SGCD: variants seen among roughly 807,000 people sequenced by gnomAD.
SGCD encodes delta-sarcoglycan.
A neutral mutation model predicts 36.6 loss-of-function variants in SGCD; 18 were observed. The ratio of observed to expected loss-of-function variants is 0.49; its 90% CI spans 0.34 to 0.73. The LOEUF (loss-of-function observed/expected upper bound fraction) is 0.73, where lower values mean the gene tolerates loss of function less well. SGCD is among the 30% of genes least tolerant of loss of function. The probability of loss-of-function intolerance (pLI) is 0.01; values close to 1 mark genes in which losing one functional copy is unlikely to be tolerated. For missense variants in SGCD, 387 were observed against 346.7 expected (o/e 1.12, Z -0.92); for synonymous variants, 133 against 130.6 (o/e 1.02, Z -0.12).
chr5:156,120,758 A>G (rs1485388239), intron 2 of SGCD, among the ~76,000 whole-genome samples: 1 of 152,188 alleles, frequency 6.6e-6, no homozygotes, highest in African/African-American at 2.4e-5. Context: ...AGTTAAGAAA[A>G]GAAGAAAGAA....
intron 4 of SGCD, among the ~76,000 whole-genome samples, chr5:156,522,771 G>T (rs2656894): frequency 6.7e-6 from 1 of 148,728 alleles, no homozygotes; most frequent in African/African-American, 2.5e-5. Flanking sequence ...CCCACCCCCC[G>T]ACACACACAT....
Position 156,586,976 on chromosome 5 carries a change from C to T in SGCD, c.295-2255C>T, listed in dbSNP as rs545088184. On this transcript the variant is annotated intron_variant, in intron 4 of 8. Coordinates refer to ENST00000337851, the MANE Select transcript of SGCD (RefSeq NM_000337.6). The stretch of plus-strand genomic sequence containing the variant: ...AACATCATTATGTAGCCTTTAACTT[C>T]ATTTCACAGATGCAGAAACTAAACA... 3.3e-5 allele frequency among the ~76,000 whole-genome samples: 5 copies of T among 152,192 alleles called. No homozygotes were observed. The East Asian group carries it at 9.7e-4, about 29-fold the overall frequency.
At chr5:155,799,812 C>CTTTTTTTTTTTTTT in the SGCD span, among the ~76,000 whole-genome samples, 5 of 58,762 alleles carry the variant, frequency 8.5e-5, 1 homozygote, top group African/African-American at 1.4e-4. Flanking sequence ...TCCTATTCCC[C>CTTTTTTTTTTTTTT]TTTTTTTTTT....
intron 7 of SGCD, among the ~76,000 whole-genome samples, chr5:156,712,271 T>G (rs555033723): frequency 1.3e-5 from 2 of 152,224 alleles, no homozygotes; most frequent in East Asian, 1.9e-4. Flanking sequence ...TCAGACAGAG[T>G]CATGACAGCC....
At chr5:156,227,800 C>T (rs886541765) in intron 3 of SGCD, among the ~76,000 whole-genome samples, 5 of 152,108 alleles carry the variant, frequency 3.3e-5, no homozygotes, top group African/African-American at 1.2e-4. Flanking sequence ...TTCCTCTTAA[C>T]ACCACCTTTG....
intron 1 of SGCD, among the ~76,000 whole-genome samples, chr5:155,899,547 C>G (rs557584204): frequency 3.4e-4 from 52 of 152,270 alleles, no homozygotes; most frequent in African/African-American, 1.2e-3. Flanking sequence ...GAATGTGTTT[C>G]TTCCCATGTG....
chr5:155,925,338 G>A (rs902062093), intron 1 of SGCD, among the ~76,000 whole-genome samples: 4 of 152,100 alleles, frequency 2.6e-5, no homozygotes, highest in Non-Finnish European at 5.9e-5. Flanking sequence ...AAATCAGGTG[G>A]CTTAAAACAA....
intron 1 of SGCD, among the ~76,000 whole-genome samples, chr5:156,054,551 A>C (rs376528195): frequency 6.8e-6 from 1 of 146,250 alleles, no homozygotes; most frequent in East Asian, 1.9e-4. Context: ...TCCCAAAGTG[A>C]TGGGATTACA....
chr5:155,870,361 T>C (rs1755607040), exon 1 of SGCD: 1 of 152,230 alleles, frequency 6.6e-6, no homozygotes, highest in Non-Finnish European at 1.5e-5. Flanking sequence ...CTATTGAAGC[T>C]GGGAGGGTCA....
intron 1 of SGCD, among the ~76,000 whole-genome samples, chr5:156,071,990 T>G (rs1185637431): frequency 6.6e-6 from 1 of 152,190 alleles, no homozygotes; most frequent in Non-Finnish European, 1.5e-5. Context: ...TTGGTAGATC[T>G]TCCTCCATCC....
the SGCD span, among the ~76,000 whole-genome samples, chr5:155,760,191 ATCTCCATCATCC>A: frequency 1.0e-5 from 1 of 98,230 alleles, no homozygotes; most frequent in African/African-American, 4.0e-5. Context: ...CTCCATCATC[ATCTCCATCATCC>A]TCACCAACAC....
At chr5:155,743,469 C>G in the SGCD span, among the ~76,000 whole-genome samples, 2 of 152,154 alleles carry the variant, frequency 1.3e-5, no homozygotes, top group Non-Finnish European at 2.9e-5. Context: ...CACAATAACA[C>G]AAACTAAGAG....
intron 1 of SGCD, among the ~76,000 whole-genome samples, chr5:156,071,859 G>T (rs1368211149): frequency 2.6e-5 from 4 of 152,160 alleles, no homozygotes; most frequent in Non-Finnish European, 5.9e-5. Context: ...TCTTCTTGTT[G>T]AATTGATCCC....
At chr5:156,499,479 G>T (rs1334467433) in intron 3 of SGCD, among the ~76,000 whole-genome samples, 1 of 152,094 alleles carries the variant, frequency 6.6e-6, no homozygotes, top group Non-Finnish European at 1.5e-5. Flanking sequence ...CAATGTATGT[G>T]ATATAAGATA....
At chr5:156,447,733 G>A (rs936359008) in intron 3 of SGCD, among the ~76,000 whole-genome samples, 9 of 152,048 alleles carry the variant, frequency 5.9e-5, no homozygotes, top group Non-Finnish European at 1.2e-4. Flanking sequence ...GGGTTGACAG[G>A]TGCAGCAAAC....
intron 3 of SGCD, among the ~76,000 whole-genome samples, chr5:156,296,901 C>G (rs1766907247): frequency 6.6e-6 from 1 of 151,966 alleles, no homozygotes; most frequent in Non-Finnish European, 1.5e-5. Flanking sequence ...TGTACACATG[C>G]ACACTATATA....
rs1249276672 is a variant in SGCD, at chr5:156,521,401, A to C, written c.294+12699A>C. Among the ~76,000 whole-genome samples the C allele has an allele frequency of 3.9e-5, 6 of 152,356 alleles. No homozygotes were observed. The Middle Eastern group carries it at 0.01, about 259-fold the overall frequency. On this transcript the variant is annotated intron_variant, in intron 4 of 8. Coordinates refer to ENST00000337851, the MANE Select transcript of SGCD (RefSeq NM_000337.6). ...CTTCTGCACAGCCAAAGAAACTATCATCAGAGCAAACAGACAACCTACAGA... is the reference window on the plus strand; with the variant it reads ...CTTCTGCACAGCCAAAGAAACTATCCTCAGAGCAAACAGACAACCTACAGA...
chr5:156,471,893 TA>T (rs1384223658), intron 3 of SGCD, among the ~76,000 whole-genome samples: 1 of 148,600 alleles, frequency 6.7e-6, no homozygotes, highest in Non-Finnish European at 1.5e-5. Flanking sequence ...TTTATATCAA[TA>T]ATGTATAAAT....
chr5:156,534,492 G>T (rs1758015296), intron 4 of SGCD, among the ~76,000 whole-genome samples: 1 of 152,106 alleles, frequency 6.6e-6, no homozygotes, highest in Non-Finnish European at 1.5e-5. Context: ...TGTGGTATGA[G>T]TTCTGTCTGT....
Sources: gnomAD v4.1 joint callset for allele counts (sites outside exome capture counted in the v4.1 genomes callset) on GRCh38, gnomAD v4.1.1 for gene constraint, MANE v1.5 for transcripts, NCBI Gene and HGNC (gene_info 2026-07-23, HGNC 2026-07-21) for gene names.